The following ROBO2 variants were observed in gnomAD, a reference collection of about 807,000 sequenced individuals.
ROBO2 encodes the protein roundabout homolog 2.
In ROBO2, 53 loss-of-function variants were observed where a neutral mutation model predicts 160.8. That is an observed-to-expected ratio of 0.33 (90% CI 0.26 to 0.41). ROBO2 has a LOEUF of 0.41. ROBO2 is among the 10% of genes least tolerant of loss of function. The pLI is 1.00. For synonymous variants in ROBO2, 664 were observed against 611.7 expected, an observed-to-expected ratio of 1.09 and a Z score of -1.26; for missense variants, 1,577 against 1,722.4, an observed-to-expected ratio of 0.92 and a Z score of 1.49.
intron 2 of ROBO2, among the ~76,000 whole-genome samples, chr3:76,545,957 T>C (rs1199639469): frequency 1.3e-5 from 2 of 151,868 alleles, no homozygotes; most frequent in African/African-American, 4.8e-5. Flanking sequence ...ACAATGATTA[T>C]ACTAGAGGAG....
intron 2 of ROBO2, among the ~76,000 whole-genome samples, chr3:77,219,217 G>A (rs1041306835): frequency 7.9e-5 from 12 of 151,558 alleles, no homozygotes; most frequent in Admixed American, 1.3e-4. Flanking sequence ...TCATCTGCCC[G>A]CCTCAGCCTC....
intron 2 of ROBO2, among the ~76,000 whole-genome samples, chr3:76,090,731 GA>G (rs1348878800): frequency 6.6e-6 from 1 of 152,134 alleles, no homozygotes; most frequent in African/African-American, 2.4e-5. Context: ...TCGTGTTGGT[GA>G]AAGAACAGAC....
intron 2 of ROBO2, among the ~76,000 whole-genome samples, chr3:76,820,869 ATTTAGATTGT>A (rs1363942690): frequency 6.6e-6 from 1 of 151,892 alleles, no homozygotes; most frequent in African/African-American, 2.4e-5. Context: ...GTTTTTTTTA[ATTTAGATTGT>A]TTTTGACAAT....
rs150865941 is a variant in ROBO2, at chr3:76,227,469, C to T, written c.109+289867C>T. On this transcript the variant is annotated intron_variant, in intron 2 of 26. Coordinates refer to the ROBO2 transcript ENST00000487694. ...CTTTGTACACCTCAAATAAATCTTA[C>T]GATAGTTAATAACATACACCATTTT... Among the ~76,000 whole-genome samples, 543 of 152,168 alleles carry T rather than the reference C, an allele frequency of 3.6e-3. 7 individuals carry two copies. The highest frequency in any genetic ancestry group is 0.025 in the Admixed American group (377 of 15,274).
chr3:77,417,074 T>C (rs948598176), intron 2 of ROBO2, among the ~76,000 whole-genome samples: 2 of 152,110 alleles, frequency 1.3e-5, no homozygotes, highest in Non-Finnish European at 2.9e-5. Context: ...GAACGTTGAA[T>C]CTATAATCAG....
At chr3:76,820,429 A>G (rs1043311744) in intron 2 of ROBO2, among the ~76,000 whole-genome samples, 3 of 152,036 alleles carry the variant, frequency 2.0e-5, no homozygotes, top group Admixed American at 2.0e-4. Context: ...TCTCCTATAA[A>G]TTGCATTAGG....
At chr3:76,218,656 A>G (rs1703734113) in intron 2 of ROBO2, among the ~76,000 whole-genome samples, 1 of 152,194 alleles carries the variant, frequency 6.6e-6, no homozygotes, top group Admixed American at 6.5e-5. Context: ...GCTCAAGGAA[A>G]TAAAAGACGA....
chr3:76,578,177 G>A (rs911141783), intron 2 of ROBO2, among the ~76,000 whole-genome samples: 4 of 152,110 alleles, frequency 2.6e-5, no homozygotes, highest in Admixed American at 6.5e-5. Context: ...TTGTAGGGTC[G>A]TCATGAGTGT....
chr3:76,014,593 C>T (rs917067216), intron 2 of ROBO2, among the ~76,000 whole-genome samples: 1 of 148,210 alleles, frequency 6.7e-6, no homozygotes, highest in Non-Finnish European at 1.5e-5. Context: ...TGGCGGCTGG[C>T]ATGATAGCTT....
rs149528476 is a variant in ROBO2, at chr3:76,949,566, C to T, written c.110-148448C>T. ...AGACCGAAGGGCTTCTCCCCTGTTT[C>T]CGGTGTCCACGTCCGACCGGCTTCT... On this transcript the variant is annotated intron_variant, in intron 2 of 26. Transcript: ENST00000487694. Among the ~76,000 whole-genome samples, 1,221 of 152,272 alleles carry T rather than the reference C, an allele frequency of 8.0e-3. 19 individuals carry two copies. Among genetic ancestry groups the T allele is most frequent in the Non-Finnish European group, 9.0e-3 (614 of 68,026 alleles).
chr3:76,509,379 C>G (rs1048656658), intron 2 of ROBO2, among the ~76,000 whole-genome samples: 2 of 152,100 alleles, frequency 1.3e-5, no homozygotes, highest in South Asian at 4.2e-4. Flanking sequence ...GAGTGCCCGA[C>G]TTGGTTTTGG....
At chr3:76,371,400 G>A (rs55922114) in intron 2 of ROBO2, among the ~76,000 whole-genome samples, 1 of 151,874 alleles carries the variant, frequency 6.6e-6, no homozygotes, top group Non-Finnish European at 1.5e-5. Context: ...ATTTGCTGAT[G>A]TGAGAAAAAG....
chr3:77,470,662 C>T lies in ROBO2; in HGVS notation c.389-6752C>T, dbSNP rs532879864. 7.2e-5 allele frequency among the ~76,000 whole-genome samples: 11 copies of T among 152,110 alleles called. No homozygotes were observed. The South Asian group carries it at 2.3e-3, about 32-fold the overall frequency. ...TGTTAATTAATTTTTAAAAGCAAGT[C>T]TAAAAAATTCTTACTGAAAATCAGC... On this transcript the variant is annotated intron_variant, in intron 2 of 25. Coordinates refer to ENST00000461745, the Ensembl canonical transcript of ROBO2.
At chr3:76,345,637 A>C (rs887962980) in intron 2 of ROBO2, among the ~76,000 whole-genome samples, 1 of 151,718 alleles carries the variant, frequency 6.6e-6, no homozygotes, top group African/African-American at 2.4e-5. Flanking sequence ...GAGCCTTCCT[A>C]GTTTTGTAGG....
intron 2 of ROBO2, among the ~76,000 whole-genome samples, chr3:76,945,895 C>A (rs1042070967): frequency 6.6e-6 from 1 of 152,050 alleles, no homozygotes; most frequent in Non-Finnish European, 1.5e-5. Context: ...AGTCTATTAT[C>A]CGTATTATTT....
At chr3:76,413,839 G>A (rs111864515) in intron 2 of ROBO2, among the ~76,000 whole-genome samples, 1,641 of 152,098 alleles carry the variant, frequency 0.011, 31 homozygotes, top group African/African-American at 0.036. Context: ...CCACATTTTT[G>A]GGTATCTTTT....
At chr3:76,155,735 A>G (rs1211303317) in intron 2 of ROBO2, among the ~76,000 whole-genome samples, 1 of 152,094 alleles carries the variant, frequency 6.6e-6, no homozygotes, top group Non-Finnish European at 1.5e-5. Flanking sequence ...TTCTTTGTCT[A>G]TTTTACCATA....
intron 2 of ROBO2, among the ~76,000 whole-genome samples, chr3:76,786,981 T>C (rs986813603): frequency 3.3e-5 from 5 of 151,280 alleles, no homozygotes; most frequent in Admixed American, 6.6e-5. Flanking sequence ...TGGCAGAAGA[T>C]TGAATGAGAA....
chr3:76,943,537 G>T (rs552562200), intron 2 of ROBO2, among the ~76,000 whole-genome samples: 2 of 152,100 alleles, frequency 1.3e-5, no homozygotes, highest in Non-Finnish European at 2.9e-5. Context: ...CACTTAATAC[G>T]ATTGCTTCTT....
Sources: gnomAD v4.1 joint callset for allele counts (sites outside exome capture counted in the v4.1 genomes callset) on GRCh38, gnomAD v4.1.1 for gene constraint, MANE v1.5 for transcripts, NCBI Gene and HGNC (gene_info 2026-07-23, HGNC 2026-07-21) for gene names.